Variants in CDK15 observed in about 807,000 individuals in gnomAD.
CDK15 encodes the protein cyclin-dependent kinase 15.
CDK15 carries 62 observed loss-of-function variants against 60.3 expected under a neutral mutation model. The ratio of observed to expected loss-of-function variants is 1.03; its 90% confidence interval spans 0.84 to 1.27. CDK15 has a LOEUF of 1.27. Among genes scored for constraint, CDK15 ranks in the 50% most tolerant of loss-of-function variants. The probability of loss-of-function intolerance (pLI) is 0.00; values close to 1 mark genes in which losing one functional copy is unlikely to be tolerated. For synonymous variants in CDK15, 194 were observed against 195.7 expected, an observed-to-expected ratio of 0.99 and a Z score of 0.07; for missense variants, 541 against 527.8, an observed-to-expected ratio of 1.03 and a Z score of -0.25.
chr2:201,880,034 C>T lies in CDK15; in HGVS notation c.1065C>T (p.Gly355=). Residue 355 remains glycine (G), a synonymous_variant, in exon 12 of 14, where the codon GGC becomes GGT. Transcript: ENST00000652192. ...TTCTCTCCCACTTTTCCAGGCTGGG[C>T]AGGGTTCCTGAAGCTGAAGACCTGG... The part of the protein sequence containing the change: ...RSLHVVWNRL[G]RVPEAEDLAS... 4 of 1,613,996 alleles carry T rather than the reference C, an allele frequency of 2.5e-6. No individual in the cohort carries two copies.
chr2:201,812,173 CAAA>C (rs56808760), intron 3 of CDK15, among the ~76,000 whole-genome samples: 36,707 of 96,290 alleles, frequency 0.38, 4,426 homozygotes, highest in African/African-American at 0.47. Context: ...GATTCTGTCT[CAAA>C]AAAAAAAAAA....
chr2:201,812,469 T>C lies in CDK15; in HGVS notation c.369-14T>C, dbSNP rs948244581. The C allele has an allele frequency of 1.9e-6, 3 of 1,600,710 alleles. No individual in the cohort carries two copies. Among genetic ancestry groups the C allele is most frequent in the Non-Finnish European group, 2.6e-6 (3 of 1,169,116 alleles). ...ACCTCAATAAGTGTGTGCCCCTCAATCCCTCTCTTCTAGAATAAATGGACA... is the reference window on the plus strand; with the variant it reads ...ACCTCAATAAGTGTGTGCCCCTCAACCCCTCTCTTCTAGAATAAATGGACA... On this transcript the variant is annotated splice_polypyrimidine_tract_variant and intron_variant, in intron 3 of 13. Coordinates refer to ENST00000652192, the MANE Select transcript of CDK15 (RefSeq NM_001366386.2).
chr2:201,833,957 A>G lies in CDK15; in HGVS notation c.716A>G (p.Lys239Arg). 6.2e-7 allele frequency: 1 copy of G among 1,613,688 alleles called. No homozygotes were observed. The highest frequency in any genetic ancestry group is 1.1e-5 in the South Asian group (1 of 91,008). Residue 239 changes from lysine to arginine, a missense_variant, in exon 7 of 14, where the codon AAA becomes AGA. Physicochemically the swap from Lys to Arg is conservative, Grantham distance 26 (BLOSUM62 2). Coordinates refer to ENST00000652192, the MANE Select transcript of CDK15 (RefSeq NM_001366386.2). ...CTCATCAGTCACCTGGGAGAGCTCAAACTGGCTGATTTTGGTAAGTCGCCC... is the reference window on the plus strand; with the variant it reads ...CTCATCAGTCACCTGGGAGAGCTCAGACTGGCTGATTTTGGTAAGTCGCCC... ...NLLISHLGEL[K>R]LADFGLARAK...
In CDK15 at chr2:201,880,153, A is replaced by G. The variant is rs1699223195; in HGVS notation, c.1184A>G (p.Tyr395Cys). ...TTCAGCGCCCTGCCATCTCAGCTGT[A>G]CCAGCTTCCTGATGGTGAGCGAGGG... ...DYFSALPSQL[Y>C]QLPDEESLFT... Residue 395 changes from tyrosine to cysteine, a missense_variant, in exon 12 of 14, where the codon TAC becomes TGC. By Grantham distance (194) the Tyr-to-Cys change is radical. Transcript: ENST00000652192. The G allele has an allele frequency of 1.2e-6, 2 of 1,613,946 alleles. No homozygotes were observed. Among genetic ancestry groups the G allele is most frequent in the Admixed American group, 1.7e-5 (1 of 59,996 alleles).
At chr2:201,860,637 C>T in intron 10 of CDK15, 1 of 1,206,084 alleles carries the variant, frequency 8.3e-7, no homozygotes. Context: ...GAAAGCGGTA[C>T]TAAAAGCCCT....
chr2:201,888,615 CT>C, intron 12 of CDK15: 1 of 1,420,656 alleles, frequency 7.0e-7, no homozygotes. Flanking sequence ...CCTCCTTTTT[CT>C]TTTTCTATGA....
At chr2:201,810,752 G>C (rs1695718737) in intron 3 of CDK15, among the ~76,000 whole-genome samples, 1 of 151,502 alleles carries the variant, frequency 6.6e-6, no homozygotes, top group Non-Finnish European at 1.5e-5. Context: ...AGTAACTTTA[G>C]AGTAGAGAAA....
chr2:201,851,291 C>CAAAAAA (rs1176883047), intron 9 of CDK15, among the ~76,000 whole-genome samples: 12 of 27,726 alleles, frequency 4.3e-4, no homozygotes, highest in Non-Finnish European at 5.9e-4. Flanking sequence ...GACTTCATCT[C>CAAAAAA]AAAAAAAAAA....
At position 201,886,379 on chromosome 2, in the gene CDK15, G is replaced by A. The variant is rs146435856; in HGVS notation, c.1199-4406G>A. ...TTGCTCTTGTCGCCCAGGCTGGAGC[G>A]CAATGGCATGATCTTGGCTCACTGC... On this transcript the variant is annotated intron_variant, in intron 12 of 13. Coordinates refer to ENST00000652192, the MANE Select transcript of CDK15 (RefSeq NM_001366386.2). 7.8e-4 allele frequency among the ~76,000 whole-genome samples: 117 copies of A among 150,624 alleles called. 1 individual carries two copies. The East Asian group carries it at 0.02, about 26-fold the overall frequency.
intron 12 of CDK15, among the ~76,000 whole-genome samples, chr2:201,886,248 C>G (rs1699445493): frequency 6.6e-6 from 1 of 152,098 alleles, no homozygotes; most frequent in African/African-American, 2.4e-5. Flanking sequence ...ACTTCTTCCT[C>G]AATGCCATCT....
intron 9 of CDK15, 43 bp from the exon 10 acceptor site, chr2:201,854,831 C>T: frequency 6.4e-7 from 1 of 1,570,240 alleles, no homozygotes; most frequent in Non-Finnish European, 8.8e-7. Context: ...TCCACCTCAT[C>T]TCCCCACCTC....
intron 6 of CDK15, 128 bp from the exon 7 acceptor site, chr2:201,833,720 T>C: frequency 3.3e-6 from 2 of 605,804 alleles, no homozygotes; most frequent in Non-Finnish European, 4.6e-6. Context: ...CTTCTTCTTT[T>C]TTTTTTTTTT....
At chr2:201,848,682 A>G (rs981520539) in intron 9 of CDK15, among the ~76,000 whole-genome samples, 1 of 152,206 alleles carries the variant, frequency 6.6e-6, no homozygotes, top group African/African-American at 2.4e-5. Flanking sequence ...TATGTCACTT[A>G]GCATATTTTC....
chr2:201,875,526 T>G (rs1236640951), intron 11 of CDK15, among the ~76,000 whole-genome samples: 1 of 152,212 alleles, frequency 6.6e-6, no homozygotes, highest in Non-Finnish European at 1.5e-5. Context: ...AGCGTGATTT[T>G]AATAGTACTA....
intron 9 of CDK15, among the ~76,000 whole-genome samples, chr2:201,853,940 TCA>T (rs1698021965): frequency 6.6e-6 from 1 of 152,186 alleles, no homozygotes; most frequent in Admixed American, 6.6e-5. Context: ...GGTGGGCAGA[TCA>T]CGAGGTCAGG....
At chr2:201,822,179 C>T (rs1160548995) in intron 4 of CDK15, among the ~76,000 whole-genome samples, 2 of 152,222 alleles carry the variant, frequency 1.3e-5, no homozygotes, top group Non-Finnish European at 1.5e-5. Flanking sequence ...TCTCCACTTT[C>T]ACCTCCCTGG....
In CDK15 at chr2:201,894,348, G is replaced by A. The variant is rs980239014; in HGVS notation, c.*1081G>A. On this transcript the variant is annotated 3_prime_UTR_variant, in exon 14 of 14. Transcript: ENST00000652192. ...CCCCCAATGTCTGAGATGGAAAAAG[G>A]AAAAAGACACATGGGTAGCCCAAAT... 2 of 152,126 alleles carry A rather than the reference G, an allele frequency of 1.3e-5. No individual in the cohort carries two copies. Among genetic ancestry groups the A allele is most frequent in the Non-Finnish European group, 2.9e-5 (2 of 68,012 alleles). The allele number at this position is 152,126 out of a possible 1,614,324, so 9.4% of individuals were successfully genotyped here. A position where few individuals can be genotyped will look rare whatever the true frequency, so the allele number is the denominator to read the frequency against.
At chr2:201,809,865 C>G (rs897498337) in intron 3 of CDK15, among the ~76,000 whole-genome samples, 3 of 152,042 alleles carry the variant, frequency 2.0e-5, no homozygotes, top group Non-Finnish European at 4.4e-5. Flanking sequence ...TTCCACTGTT[C>G]ATGCACACAG....
At chr2:201,832,412 G>T (rs1303928233) in intron 6 of CDK15, among the ~76,000 whole-genome samples, 2 of 152,156 alleles carry the variant, frequency 1.3e-5, no homozygotes, top group Non-Finnish European at 2.9e-5. Context: ...TAAGCTGGTT[G>T]TTTGTATTAC....
Sources: gnomAD v4.1 joint callset for allele counts (sites outside exome capture counted in the v4.1 genomes callset) on GRCh38, gnomAD v4.1.1 for gene constraint, MANE v1.5 for transcripts, NCBI Gene and HGNC (gene_info 2026-07-23, HGNC 2026-07-21) for gene names.